SLC22A23: variants seen among roughly 807,000 people sequenced by gnomAD.
The protein encoded by SLC22A23 is ion transporter protein.
A neutral mutation model predicts 61.0 loss-of-function variants in SLC22A23; 26 were observed. The ratio of observed to expected loss-of-function variants is 0.43; its 90% confidence interval spans 0.31 to 0.59. The LOEUF (loss-of-function observed/expected upper bound fraction) is 0.59. SLC22A23 is among the 20% of genes least tolerant of loss of function. The pLI, the probability that SLC22A23 is intolerant of heterozygous loss-of-function variation, is 0.11. For synonymous variants in SLC22A23, 430 were observed against 413.9 expected, an observed-to-expected ratio of 1.04 and a Z score of -0.47; for missense variants, 796 against 934.7, an observed-to-expected ratio of 0.85 and a Z score of 1.94.
chr6:3,344,929 A>ATGAAT (rs141943522), intron 3 of SLC22A23, among the ~76,000 whole-genome samples: 58,441 of 151,662 alleles, frequency 0.39, 12,597 homozygotes, highest in African/African-American at 0.59. Flanking sequence ...CCTAGTCTTG[A>ATGAAT]TGTTCAAGAA....
intron 3 of SLC22A23, among the ~76,000 whole-genome samples, chr6:3,376,274 C>A (rs1159952393): frequency 6.6e-6 from 1 of 152,196 alleles, no homozygotes; most frequent in Non-Finnish European, 1.5e-5. Flanking sequence ...ATTTGAGCAA[C>A]GCATCTGCCC....
intron 9 of SLC22A23, among the ~76,000 whole-genome samples, chr6:3,276,123 G>GT (rs2127288755): frequency 6.6e-6 from 1 of 152,370 alleles, no homozygotes; most frequent in South Asian, 2.1e-4. Context: ...GTGTGTGTGT[G>GT]TGTGTTGGGG....
chr6:3,380,171 G>C (rs1235198746), intron 3 of SLC22A23, among the ~76,000 whole-genome samples: 6 of 152,132 alleles, frequency 3.9e-5, no homozygotes, highest in African/African-American at 1.4e-4. Flanking sequence ...ACTCCATAGG[G>C]GTGAGTGGCT....
In SLC22A23 at chr6:3,329,666, C is replaced by T. The variant is rs906171012; in HGVS notation, c.914-5664G>A. Among the ~76,000 whole-genome samples the T allele has an allele frequency of 3.9e-5, 6 of 152,128 alleles. No homozygotes were observed. Among genetic ancestry groups the T allele is most frequent in the Non-Finnish European group, 7.4e-5 (5 of 68,026 alleles). On this transcript the variant is annotated intron_variant, in intron 3 of 9. Transcript: ENST00000406686. The surrounding 1 kb of genome is among the most constrained non-coding windows in gnomAD (Gnocchi z 4.8). ...GTGTCCTTGCAGCCAAGGTAGGTAA[C>T]GATCGTACCTACCACATGAGGTGGT... is the stretch of plus-strand genomic sequence containing the variant.
At chr6:3,285,843 G>A (rs1168976976) in intron 7 of SLC22A23, among the ~76,000 whole-genome samples, 1 of 152,218 alleles carries the variant, frequency 6.6e-6, no homozygotes, top group East Asian at 1.9e-4. Flanking sequence ...CTAGTTCTGA[G>A]AGCCCGGGTT....
intron 3 of SLC22A23, among the ~76,000 whole-genome samples, chr6:3,375,833 T>A (rs1179209466): frequency 6.6e-6 from 1 of 152,238 alleles, no homozygotes; most frequent in Admixed American, 6.5e-5. Context: ...AATATCTATC[T>A]ATCAACTGTC....
At position 3,418,701 on chromosome 6, in the gene SLC22A23, A is replaced by G. The variant is rs192314621; in HGVS notation, c.655-2846T>C. On this transcript the variant is annotated intron_variant, in intron 1 of 9. Transcript: ENST00000406686. ...CACCTGCTACCTTAAACCCTCCTCA[A>G]CTAGGCACAAGAATAGACAGCATAT... 3.0e-4 allele frequency among the ~76,000 whole-genome samples: 45 copies of G among 152,354 alleles called. 1 individual carries two copies. The highest frequency in any genetic ancestry group is 8.9e-4 in the African/African-American group (37 of 41,592).
At chr6:3,288,320 A>T (rs1011934085) in intron 6 of SLC22A23, among the ~76,000 whole-genome samples, 1 of 152,182 alleles carries the variant, frequency 6.6e-6, no homozygotes, top group Non-Finnish European at 1.5e-5. Flanking sequence ...CGTCCTTCTC[A>T]TCTAACCTTG....
intron 3 of SLC22A23, among the ~76,000 whole-genome samples, chr6:3,335,255 C>T (rs907372950): frequency 3.9e-5 from 6 of 152,152 alleles, no homozygotes; most frequent in Non-Finnish European, 8.8e-5. Context: ...CCAAGCAAAA[C>T]GGTGCATTCT....
At chr6:3,419,067 A>G (rs1225584846) in intron 1 of SLC22A23, among the ~76,000 whole-genome samples, 1 of 152,202 alleles carries the variant, frequency 6.6e-6, no homozygotes, top group Non-Finnish European at 1.5e-5. Flanking sequence ...CATGTCACTG[A>G]CCAGTTGGGT....
chr6:3,391,909 A>G (rs1767684425), intron 3 of SLC22A23, among the ~76,000 whole-genome samples: 3 of 152,266 alleles, frequency 2.0e-5, no homozygotes, highest in Middle Eastern at 3.4e-3. Flanking sequence ...GTGAGTACAA[A>G]GGAACTAAGG....
intron 1 of SLC22A23, among the ~76,000 whole-genome samples, chr6:3,429,958 T>C (rs1362961836): frequency 6.6e-6 from 1 of 152,162 alleles, no homozygotes; most frequent in East Asian, 1.9e-4. Context: ...ATGAAAAATA[T>C]CTGGAGATGG....
At chr6:3,279,318 G>C (rs1455105123) in intron 9 of SLC22A23, among the ~76,000 whole-genome samples, 1 of 151,226 alleles carries the variant, frequency 6.6e-6, no homozygotes, top group African/African-American at 2.4e-5. Context: ...CGAGACCACT[G>C]TGGCCAACAT....
At chr6:3,311,367 G>A (rs1465416643) in intron 4 of SLC22A23, among the ~76,000 whole-genome samples, 1 of 152,152 alleles carries the variant, frequency 6.6e-6, no homozygotes, top group Non-Finnish European at 1.5e-5. Context: ...TTGGGGTGTT[G>A]CCACGTATCA....
At chr6:3,284,643 CTG>C (rs1759799642) in intron 8 of SLC22A23, among the ~76,000 whole-genome samples, 1 of 152,216 alleles carries the variant, frequency 6.6e-6, no homozygotes, top group South Asian at 2.1e-4. Flanking sequence ...CAGGGCGGCA[CTG>C]TGCTGTCCCC....
At position 3,271,227 on chromosome 6, in the gene SLC22A23, A is replaced by AGG. The variant is rs1205621147; in HGVS notation, c.*1826_*1827dup. On this transcript the variant is annotated 3_prime_UTR_variant, in exon 10 of 10. Coordinates refer to ENST00000406686, the MANE Select transcript of SLC22A23 (RefSeq NM_015482.2). ...ACATGGAAATGTGACTTTAAAAAAG[A>AGG]GGGAAGGTGAGGAGCTGGACGTGGA... The AGG allele has an allele frequency of 6.7e-5, 2 of 29,768 alleles. No homozygotes were observed. Among genetic ancestry groups the AGG allele is most frequent in the African/African-American group, 1.7e-4 (2 of 11,978 alleles). The allele number at this position is 29,768 out of a possible 1,614,324, so 1.8% of individuals were successfully genotyped here. A position where few individuals can be genotyped will look rare whatever the true frequency, so the allele number is the denominator to read the frequency against.
intron 3 of SLC22A23, among the ~76,000 whole-genome samples, chr6:3,400,651 G>C (rs1448103570): frequency 6.6e-6 from 1 of 152,202 alleles, no homozygotes; most frequent in Non-Finnish European, 1.5e-5. Flanking sequence ...CTGGCAAGTG[G>C]GGGGCTTGGC....
At chr6:3,277,123 T>C (rs1324519680) in intron 9 of SLC22A23, 1 of 152,414 alleles carries the variant, frequency 6.6e-6, no homozygotes, top group Non-Finnish European at 1.5e-5. Flanking sequence ...CACCCAAGTC[T>C]TTCAGGGTCT....
At chr6:3,343,517 G>T (rs913409317) in intron 3 of SLC22A23, among the ~76,000 whole-genome samples, 1 of 128,528 alleles carries the variant, frequency 7.8e-6, no homozygotes, top group African/African-American at 3.6e-5. Flanking sequence ...TAATGTCCTC[G>T]TTTTAGACAT....
Sources: gnomAD v4.1 joint callset for allele counts (sites outside exome capture counted in the v4.1 genomes callset) on GRCh38, gnomAD v4.1.1 for gene constraint, Gnocchi (gnomAD v3.1) non-coding constraint, MANE v1.5 for transcripts, NCBI Gene and HGNC (gene_info 2026-07-23, HGNC 2026-07-21) for gene names.